GABBR2: variants seen among roughly 807,000 people sequenced by gnomAD.
GABBR2 encodes the protein gamma-aminobutyric acid type B receptor subunit 2.
In GABBR2, 23 loss-of-function variants were observed where a neutral mutation model predicts 105.6. The observed-to-expected ratio is 0.22, with a 90% CI of 0.16 to 0.31. The LOEUF (loss-of-function observed/expected upper bound fraction) is 0.31, where lower values mean the gene tolerates loss of function less well. Among genes scored for constraint, GABBR2 ranks in the 10% least tolerant of loss-of-function variants. GABBR2 has a pLI of 1.00. For synonymous variants in GABBR2, 478 were observed against 499.7 expected (o/e 0.96, Z 0.58); for missense variants, 734 against 1,245.5 (o/e 0.59, Z 6.18).
chr9:98,699,869 G>GAGA (rs1290104874), intron 1 of GABBR2, among the ~76,000 whole-genome samples: 6 of 152,198 alleles, frequency 3.9e-5, no homozygotes, highest in South Asian at 2.1e-4. Flanking sequence ...CATAACGCTA[G>GAGA]AGAAGAAGAA....
intron 1 of GABBR2, among the ~76,000 whole-genome samples, chr9:98,698,459 A>G (rs1830785078): frequency 6.6e-6 from 1 of 152,186 alleles, no homozygotes; most frequent in Non-Finnish European, 1.5e-5. Context: ...TCAGACTCTT[A>G]AACTCCAGCT....
At position 98,371,463 on chromosome 9, in the gene GABBR2, CCTT is replaced by C. The variant is rs757783385; in HGVS notation, c.1768_1770del (p.Lys590del). 6.7e-7 allele frequency: 1 copy of C among 1,484,284 alleles called. No individual in the cohort carries two copies. Among genetic ancestry groups the C allele is most frequent in the Non-Finnish European group, 9.4e-7 (1 of 1,061,454 alleles). 91.9% of individuals were successfully genotyped at this position (1,484,284 alleles called of 1,614,324 possible). On this transcript the variant is annotated inframe_deletion and splice_region_variant, in exon 12 of 19. Transcript: ENST00000259455. ...CCCTGAAACAGAAGGAGAGTGATTA[CCTT>C]CTTCTTCATTTTCACATTTTTGAAG... is the stretch of plus-strand genomic sequence containing the variant.
At chr9:98,572,839 T>C (rs1450053726) in intron 2 of GABBR2, among the ~76,000 whole-genome samples, 1 of 152,134 alleles carries the variant, frequency 6.6e-6, no homozygotes, top group Non-Finnish European at 1.5e-5. Context: ...TCCAAACTGT[T>C]GAGTACCCTC....
At chr9:98,640,405 G>A (rs899138336) in intron 1 of GABBR2, among the ~76,000 whole-genome samples, 3 of 152,070 alleles carry the variant, frequency 2.0e-5, no homozygotes, top group Non-Finnish European at 4.4e-5. Flanking sequence ...TAAACCTGCT[G>A]GTGGCATACA....
At chr9:98,606,871 G>A (rs1318582734) in intron 1 of GABBR2, 9 of 541,866 alleles carry the variant, frequency 1.7e-5, no homozygotes, top group African/African-American at 1.3e-4. Flanking sequence ...AGCGTCCACA[G>A]CAGCACCATG....
chr9:98,433,655 G>A (rs1490173586), intron 7 of GABBR2, among the ~76,000 whole-genome samples: 1 of 152,202 alleles, frequency 6.6e-6, no homozygotes, highest in Admixed American at 6.5e-5. Flanking sequence ...TGTGGGACAG[G>A]ACATGTTCAA....
chr9:98,569,071 G>C (rs150026184), intron 2 of GABBR2, among the ~76,000 whole-genome samples: 53 of 152,146 alleles, frequency 3.5e-4, no homozygotes, highest in Admixed American at 7.2e-4. Flanking sequence ...GTGCTAAATG[G>C]CCCCCCTGGA....
chr9:98,443,143 C>T (rs1826061557), intron 7 of GABBR2, among the ~76,000 whole-genome samples: 1 of 152,132 alleles, frequency 6.6e-6, no homozygotes, highest in Admixed American at 6.5e-5. Flanking sequence ...AACTGTTCAT[C>T]ATTCCTATTA....
At position 98,463,602 on chromosome 9, in the gene GABBR2, C is replaced by G. The variant is rs529089402; in HGVS notation, c.1000-9385G>C. ...CCCTCTCCCTCGCCCTCTCGCTCTC[C>G]GTCTCGCTCTCGCTCTCGCTCTCCG... On this transcript the variant is annotated intron_variant, in intron 6 of 18. Transcript: ENST00000259455. 1.3e-4 allele frequency among the ~76,000 whole-genome samples: 6 copies of G among 45,076 alleles called. No individual in the cohort carries two copies. In the South Asian group the frequency reaches 2.6e-3, roughly 20 times the overall value. 29.6% of individuals were successfully genotyped at this position (45,076 alleles called of 152,430 possible).
chr9:98,421,138 A>G (rs1479289119), intron 7 of GABBR2, among the ~76,000 whole-genome samples: 3 of 152,176 alleles, frequency 2.0e-5, no homozygotes, highest in African/African-American at 4.8e-5. Flanking sequence ...GCATATTTTA[A>G]ATTTCTGAGG....
intron 11 of GABBR2, among the ~76,000 whole-genome samples, chr9:98,377,366 C>T (rs1284613425): frequency 2.0e-5 from 3 of 152,186 alleles, no homozygotes; most frequent in Non-Finnish European, 4.4e-5. Context: ...GTTGAGAATT[C>T]TGTGGGCAAG....
rs182663190 is a variant in GABBR2, at chr9:98,530,042, T to C, written c.630+11831A>G. 3.1e-4 allele frequency among the ~76,000 whole-genome samples: 47 copies of C among 152,280 alleles called. 1 individual carries two copies. The highest frequency in any genetic ancestry group is 5.7e-4 in the Non-Finnish European group (39 of 68,022). The stretch of plus-strand genomic sequence containing the variant: ...CTACCCAAGCCTGGCAGATGGGCCT[T>C]GGGGGAGAAACCACAGCCAGAATGT... On this transcript the variant is annotated intron_variant, in intron 3 of 18. Transcript: ENST00000259455.
chr9:98,494,566 C>T (rs1274609810), intron 4 of GABBR2, among the ~76,000 whole-genome samples: 1 of 152,130 alleles, frequency 6.6e-6, no homozygotes, highest in Admixed American at 6.5e-5. Flanking sequence ...GTTTGAATCC[C>T]AACCCACCAT....
chr9:98,368,670 G>A (rs1831725021), intron 12 of GABBR2, among the ~76,000 whole-genome samples: 1 of 152,256 alleles, frequency 6.6e-6, no homozygotes, highest in African/African-American at 2.4e-5. Context: ...TCTTATCACA[G>A]ATGACCATAG....
At chr9:98,383,175 G>C (rs962930618) in intron 11 of GABBR2, among the ~76,000 whole-genome samples, 3 of 151,924 alleles carry the variant, frequency 2.0e-5, no homozygotes, top group African/African-American at 7.3e-5. Context: ...TCCTGACCTC[G>C]GGTGATCTGC....
chr9:98,388,522 A>C lies in GABBR2; in HGVS notation c.1529+332T>G, dbSNP rs1321529041. On this transcript the variant is annotated intron_variant, in intron 10 of 18. Transcript: ENST00000259455. This position sits in a 1 kb window ranked among gnomAD's most constrained non-coding sequence, Gnocchi z 4.4. Reference sequence around the variant, plus strand: ...CTCCACAAAGTACAGGAGTATATCCAAAGCTCTGAGAAGGCCCGTGGACTT... The same window carrying C: ...CTCCACAAAGTACAGGAGTATATCCCAAGCTCTGAGAAGGCCCGTGGACTT... Among the ~76,000 whole-genome samples the C allele has an allele frequency of 6.6e-6, 1 of 152,080 alleles. No homozygotes were observed. Among genetic ancestry groups the C allele is most frequent in the African/African-American group, 2.4e-5 (1 of 41,400 alleles).
At chr9:98,298,623 T>C (rs1461289807) in intron 17 of GABBR2, among the ~76,000 whole-genome samples, 2 of 152,212 alleles carry the variant, frequency 1.3e-5, no homozygotes, top group East Asian at 1.9e-4. Flanking sequence ...TGTGGTTTTT[T>C]TTAAATTTAT....
At chr9:98,621,535 T>C (rs1280331238) in intron 1 of GABBR2, among the ~76,000 whole-genome samples, 1 of 152,200 alleles carries the variant, frequency 6.6e-6, no homozygotes, top group Non-Finnish European at 1.5e-5. Context: ...TGCTGTGAAC[T>C]GCGACGCATT....
intron 8 of GABBR2, among the ~76,000 whole-genome samples, chr9:98,401,003 C>G (rs539622996): frequency 1.3e-5 from 2 of 152,014 alleles, no homozygotes; most frequent in Admixed American, 6.5e-5. Context: ...TAAAGAAGCG[C>G]GACTGCACTT....
Sources: gnomAD v4.1 joint callset for allele counts (sites outside exome capture counted in the v4.1 genomes callset) on GRCh38, gnomAD v4.1.1 for gene constraint, Gnocchi (gnomAD v3.1) non-coding constraint, MANE v1.5 for transcripts, NCBI Gene and HGNC (gene_info 2026-07-23, HGNC 2026-07-21) for gene names.